Variants in NUPR1 observed in about 807,000 individuals in gnomAD.
NUPR1 encodes nuclear protein 1.
In NUPR1, 8 loss-of-function variants were observed where a neutral mutation model predicts 7.3. The ratio of observed to expected loss-of-function variants is 1.09; its 90% CI spans 0.64 to 1.97. NUPR1 has a LOEUF of 1.97. Ranked by LOEUF, NUPR1 falls within the 30% of genes most tolerant of loss-of-function variation. The pLI, the probability that NUPR1 is intolerant of heterozygous loss-of-function variation, is 0.00. For synonymous variants in NUPR1, 39 were observed against 44.5 expected, an observed-to-expected ratio of 0.88 and a Z score of 0.49; for missense variants, 96 against 111.7, an observed-to-expected ratio of 0.86 and a Z score of 0.63.
At position 28,534,120 on chromosome 16, in the gene NUPR1, G is replaced by C. The variant is rs1487652406; in HGVS notation, c.*3563C>G. 1 of 152,170 alleles carries C rather than the reference G, an allele frequency of 6.6e-6. No homozygotes were observed. The highest frequency in any genetic ancestry group is 2.4e-5 in the African/African-American group (1 of 41,390). 9.4% of individuals were successfully genotyped at this position (152,170 alleles called of 1,614,324 possible). ...TGCACTCCAGCCTGGGCGACAGAGAGAGACTCCATCTCCCAAAACAAAACA... is the reference window on the plus strand; with the variant it reads ...TGCACTCCAGCCTGGGCGACAGAGACAGACTCCATCTCCCAAAACAAAACA... On this transcript the variant is annotated 3_prime_UTR_variant, in exon 3 of 3. Coordinates refer to ENST00000324873, the MANE Select transcript of NUPR1 (RefSeq NM_012385.3).
rs144175749 is a variant in NUPR1 at position 28,538,853 on chromosome 16, C to T, written c.55G>A (p.Asp19Asn). ...SAPQQPPGPE[D>N]EDSSLDESDL... ...GATTCATCCAGGCTGGAGTCCTCGT[C>T]CTCCGGGCCTGGGGGCTGCTGGGGG... Residue 19 changes from aspartate (D) to asparagine (N), a missense_variant, in exon 1 of 3, where the codon GAC becomes AAC. Physicochemically the swap from Asp to Asn is conservative, Grantham distance 23. Transcript: ENST00000324873. 2.2e-3 allele frequency: 3,520 copies of T among 1,613,272 alleles called. 10 individuals are homozygous for T. Among genetic ancestry groups the T allele is most frequent in the Non-Finnish European group, 2.8e-3 (3,259 of 1,179,792 alleles).
In NUPR1 at chr16:28,538,819, T is replaced by C. The variant is rs140337867; in HGVS notation, c.89A>G (p.Tyr30Cys). The C allele has an allele frequency of 9.9e-6, 16 of 1,612,388 alleles. No individual in the cohort carries two copies. In the African/African-American group the frequency reaches 2.1e-4, roughly 22 times the overall value. ...ACCGAGGTAGGAATGGGCCAGGCTA[T>C]AGAGGTCAGATTCATCCAGGCTGGA... is the stretch of plus-strand genomic sequence containing the variant. Reference protein sequence around the residue: ...EDSSLDESDLYSLAHSYLGGG... With the variant: ...EDSSLDESDLCSLAHSYLGGG... The change falls in exon 1 of 3, where the codon TAT becomes TGT. Residue 30 changes from tyrosine to cysteine, a missense_variant. Physicochemically the swap from Tyr to Cys is radical, Grantham distance 194 (BLOSUM62 -2). Coordinates refer to ENST00000324873, the MANE Select transcript of NUPR1 (RefSeq NM_012385.3).
In NUPR1 at chr16:28,535,502, C is replaced by CTTTTCTTTCTTTCT. The variant is rs2046604767; in HGVS notation, c.*2167_*2180dup. 1.7e-5 allele frequency: 2 copies of CTTTTCTTTCTTTCT among 114,792 alleles called. No individual in the cohort carries two copies. Among genetic ancestry groups the CTTTTCTTTCTTTCT allele is most frequent in the Non-Finnish European group, 3.5e-5 (2 of 57,312 alleles). 7.1% of individuals were successfully genotyped at this position (114,792 alleles called of 1,614,324 possible). ...GTGAGCCACTGTGCCGGGGCTCGCT[C>CTTTTCTTTCTTTCT]TTTTCTTTCTTTCTTTCTTTCTTTC... On this transcript the variant is annotated 3_prime_UTR_variant, in exon 3 of 3. Transcript: ENST00000324873.
chr16:28,533,279 T>TTTCAAAATCTTCCA lies in NUPR1; in HGVS notation c.*4403_*4404insTGGAAGATTTTGAA, dbSNP rs1212438145. On this transcript the variant is annotated 3_prime_UTR_variant, in exon 3 of 3. Coordinates refer to ENST00000324873, the MANE Select transcript of NUPR1 (RefSeq NM_012385.3). Reference sequence around the variant, plus strand: ...GGCAAAATCTGAAGGATTTCCAAGGTAGACTGTAAGATTCTGGGCCCAGGC... The same window carrying TTTCAAAATCTTCCA: ...GGCAAAATCTGAAGGATTTCCAAGGTTTCAAAATCTTCCAAGACTGTAAGATTCTGGGCCCAGGC... 7.9e-5 allele frequency: 12 copies of TTTCAAAATCTTCCA among 152,224 alleles called. No individual in the cohort carries two copies. The highest frequency in any genetic ancestry group is 2.7e-4 in the African/African-American group (11 of 41,436). 9.4% of individuals were successfully genotyped at this position (152,224 alleles called of 1,614,324 possible).
At position 28,535,560 on chromosome 16, in the gene NUPR1, T is replaced by TTCCTTCCTTCCTTCCTTCCTTCC. The variant is rs2046608417; in HGVS notation, c.*2122_*2123insGGAAGGAAGGAAGGAAGGAAGGA. On this transcript the variant is annotated 3_prime_UTR_variant, in exon 3 of 3. Transcript: ENST00000324873. ...CTTTCTTTCCTTCTTTCTTTCTTTC[T>TTCCTTCCTTCCTTCCTTCCTTCC]TTCCTTCCTTCCTTTCTTTCTTTCT... 1 of 64,284 alleles carries TTCCTTCCTTCCTTCCTTCCTTCC rather than the reference T, an allele frequency of 1.6e-5. No individual in the cohort carries two copies. Among genetic ancestry groups the TTCCTTCCTTCCTTCCTTCCTTCC allele is most frequent in the East Asian group, 4.6e-4 (1 of 2,182 alleles). The allele number at this position is 64,284 out of a possible 1,614,324, so 4.0% of individuals were successfully genotyped here. A position where few individuals can be genotyped will look rare whatever the true frequency, so the allele number is the denominator to read the frequency against.
chr16:28,535,612 C>CTTTCTT lies in NUPR1; in HGVS notation c.*2065_*2070dup, dbSNP rs1364627794. The CTTTCTT allele has an allele frequency of 9.6e-5, 1 of 10,394 alleles. No individual in the cohort carries two copies. The highest frequency in any genetic ancestry group is 2.0e-3 in the Admixed American group (1 of 504). 0.6% of individuals were successfully genotyped at this position (10,394 alleles called of 1,614,324 possible). On this transcript the variant is annotated 3_prime_UTR_variant, in exon 3 of 3. Coordinates refer to ENST00000324873, the MANE Select transcript of NUPR1 (RefSeq NM_012385.3). ...TCTTTCTTTCTTTCTTTCTTTCTTT[C>CTTTCTT]TTTCTTTCTTCTCTTTCTCTCTCTT...
chr16:28,538,335 ACTCCT>A (rs2046639997), intron 1 of NUPR1, 180 bp from the exon 2 acceptor site: 1 of 810,668 alleles, frequency 1.2e-6, no homozygotes, highest in Non-Finnish European at 1.9e-6. Context: ...GTAACATAGC[ACTCCT>A]GGGATAAGGG....
rs1468546028 is a variant in NUPR1, at chr16:28,535,435, G to A, written c.*2248C>T. 1 of 152,244 alleles carries A rather than the reference G, an allele frequency of 6.6e-6. No individual in the cohort carries two copies. Among genetic ancestry groups the A allele is most frequent in the East Asian group, 1.9e-4 (1 of 5,190 alleles). The allele number at this position is 152,244 out of a possible 1,614,324, so 9.4% of individuals were successfully genotyped here. On this transcript the variant is annotated 3_prime_UTR_variant, in exon 3 of 3. Transcript: ENST00000324873. ...CGAACTCGAACTACTGACCTCAGGT[G>A]ATCCGCCTGCCTTGGCCTCCCAAAG...
chr16:28,538,832 C>G lies in NUPR1; in HGVS notation c.76G>C (p.Glu26Gln), dbSNP rs1435043566. The G allele has an allele frequency of 6.2e-7, 1 of 1,612,914 alleles. No homozygotes were observed. The highest frequency in any genetic ancestry group is 1.3e-5 in the African/African-American group (1 of 74,822). Residue 26 changes from glutamate (E) to glutamine (Q), a missense_variant, in exon 1 of 3, where the codon GAA becomes CAA. Physicochemically the swap from Glu to Gln is conservative, Grantham distance 29 (BLOSUM62 2). Coordinates refer to ENST00000324873, the MANE Select transcript of NUPR1 (RefSeq NM_012385.3). ...GPEDEDSSLD[E>Q]SDLYSLAHSY... is the part of the protein sequence containing the mutation. Reference sequence around the variant, plus strand: ...TGGGCCAGGCTATAGAGGTCAGATTCATCCAGGCTGGAGTCCTCGTCCTCC... The same window carrying G: ...TGGGCCAGGCTATAGAGGTCAGATTGATCCAGGCTGGAGTCCTCGTCCTCC...
Position 28,535,883 on chromosome 16 carries a change from T to A in NUPR1, c.*1800A>T, listed in dbSNP as rs2046618836. The A allele has an allele frequency of 6.6e-6, 1 of 151,956 alleles. No individual in the cohort carries two copies. The highest frequency in any genetic ancestry group is 1.5e-5 in the Non-Finnish European group (1 of 68,032). 9.4% of individuals were successfully genotyped at this position (151,956 alleles called of 1,614,324 possible). On this transcript the variant is annotated 3_prime_UTR_variant, in exon 3 of 3. Coordinates refer to ENST00000324873, the MANE Select transcript of NUPR1 (RefSeq NM_012385.3). The stretch of plus-strand genomic sequence containing the variant: ...TGAGCCACCATGCTTTGCTAATTTT[T>A]AAATTTTTGTAGAGACAGGGCCTTG...
rs2046601977 is a variant in NUPR1, at chr16:28,535,130, C to T, written c.*2553G>A. 6.6e-6 allele frequency: 1 copy of T among 152,206 alleles called. No individual in the cohort carries two copies. Among genetic ancestry groups the T allele is most frequent in the Admixed American group, 6.6e-5 (1 of 15,266 alleles). The allele number at this position is 152,206 out of a possible 1,614,324, so 9.4% of individuals were successfully genotyped here. On this transcript the variant is annotated 3_prime_UTR_variant, in exon 3 of 3. Transcript: ENST00000324873. ...GAATCTCCCTCCCCCATCTCACTTC[C>T]CAGAACCCTGTCCCACAGCCCCCTT...
rs1232630441 is a variant in NUPR1, at chr16:28,533,087, C to T, written c.*4596G>A. ...CTGGTGTTGCTCCTGCCATTTGCTC[C>T]CTGGGTTCTAGAGCTGATGGTGGCC... On this transcript the variant is annotated 3_prime_UTR_variant, in exon 3 of 3. Coordinates refer to ENST00000324873, the MANE Select transcript of NUPR1 (RefSeq NM_012385.3). 1.3e-5 allele frequency: 2 copies of T among 152,228 alleles called. No homozygotes were observed. The highest frequency in any genetic ancestry group is 2.4e-5 in the African/African-American group (1 of 41,432). The allele number at this position is 152,228 out of a possible 1,614,324, so 9.4% of individuals were successfully genotyped here.
At position 28,536,421 on chromosome 16, in the gene NUPR1, G is replaced by A. The variant is rs1248603394; in HGVS notation, c.*1262C>T. The A allele has an allele frequency of 1.3e-5, 2 of 152,290 alleles. No individual in the cohort carries two copies. Among genetic ancestry groups the A allele is most frequent in the South Asian group, 2.1e-4 (1 of 4,832 alleles). 9.4% of individuals were successfully genotyped at this position (152,290 alleles called of 1,614,324 possible). A position where few individuals can be genotyped will look rare whatever the true frequency, so the allele number is the denominator to read the frequency against. On this transcript the variant is annotated 3_prime_UTR_variant, in exon 3 of 3. Coordinates refer to ENST00000324873, the MANE Select transcript of NUPR1 (RefSeq NM_012385.3). ...ACCTGTAATCCCAGCTACTCAGGGG[G>A]CGTAGGCACGAGAATTGCTTGAACC...
At position 28,534,780 on chromosome 16, in the gene NUPR1, TC is replaced by T. The variant is rs1406930286; in HGVS notation, c.*2902del. ...AAGAGGTGTGGCCTCCTCTGTCTCT[TC>T]CACACTCTTTCCACAGGCTGAGATG... On this transcript the variant is annotated 3_prime_UTR_variant, in exon 3 of 3. Coordinates refer to ENST00000324873, the MANE Select transcript of NUPR1 (RefSeq NM_012385.3). 6.6e-6 allele frequency: 1 copy of T among 151,914 alleles called. No homozygotes were observed. Among genetic ancestry groups the T allele is most frequent in the East Asian group, 1.9e-4 (1 of 5,176 alleles). The allele number at this position is 151,914 out of a possible 1,614,324, so 9.4% of individuals were successfully genotyped here.
intron 1 of NUPR1, 31 bp downstream of exon 1, chr16:28,538,765 A>C: frequency 6.6e-7 from 1 of 1,525,902 alleles, no homozygotes; most frequent in Non-Finnish European, 9.1e-7. Flanking sequence ...GAGAGGAGGA[A>C]GGACCGTGGA....
rs1175173857 is a variant in NUPR1 at position 28,532,894 on chromosome 16, A to G, written c.*4789T>C. On this transcript the variant is annotated 3_prime_UTR_variant, in exon 3 of 3. Coordinates refer to ENST00000324873, the MANE Select transcript of NUPR1 (RefSeq NM_012385.3). ...CCGAACCTCAGTTTTCCGGTCTGAA[A>G]AAAAGGGGATCATTAATAGTATGTC... The G allele has an allele frequency of 6.6e-6, 1 of 152,208 alleles. No homozygotes were observed. The highest frequency in any genetic ancestry group is 2.4e-5 in the African/African-American group (1 of 41,452). The allele number at this position is 152,208 out of a possible 1,614,324, so 9.4% of individuals were successfully genotyped here.
chr16:28,535,787 C>A lies in NUPR1; in HGVS notation c.*1896G>T, dbSNP rs1426812508. On this transcript the variant is annotated 3_prime_UTR_variant, in exon 3 of 3. Transcript: ENST00000324873. ...CTGCAGTGCAGTGGCACCATCATGGCTTACTGTAGCCTCCAACTGGGTTCA... is the reference window on the plus strand; with the variant it reads ...CTGCAGTGCAGTGGCACCATCATGGATTACTGTAGCCTCCAACTGGGTTCA... 1.3e-5 allele frequency: 2 copies of A among 151,472 alleles called. No individual in the cohort carries two copies. Among genetic ancestry groups the A allele is most frequent in the East Asian group, 3.9e-4 (2 of 5,124 alleles). The allele number at this position is 151,472 out of a possible 1,614,324, so 9.4% of individuals were successfully genotyped here.
chr16:28,535,504 T>TTTCC lies in NUPR1; in HGVS notation c.*2178_*2179insGGAA. On this transcript the variant is annotated 3_prime_UTR_variant, in exon 3 of 3. Transcript: ENST00000324873. Reference sequence around the variant, plus strand: ...GAGCCACTGTGCCGGGGCTCGCTCTTTTCTTTCTTTCTTTCTTTCTTTCTT... The same window carrying TTTCC: ...GAGCCACTGTGCCGGGGCTCGCTCTTTTCCTTCTTTCTTTCTTTCTTTCTTTCTT... 1.0e-4 allele frequency: 3 copies of TTTCC among 29,342 alleles called. No individual in the cohort carries two copies. Among genetic ancestry groups the TTTCC allele is most frequent in the Non-Finnish European group, 2.1e-4 (3 of 14,584 alleles). The allele number at this position is 29,342 out of a possible 1,614,324, so 1.8% of individuals were successfully genotyped here.
In NUPR1 at chr16:28,535,257, C is replaced by G. The variant is rs936503497; in HGVS notation, c.*2426G>C. 6.6e-6 allele frequency: 1 copy of G among 152,160 alleles called. No homozygotes were observed. Among genetic ancestry groups the G allele is most frequent in the Non-Finnish European group, 1.5e-5 (1 of 68,042 alleles). 9.4% of individuals were successfully genotyped at this position (152,160 alleles called of 1,614,324 possible). A position where few individuals can be genotyped will look rare whatever the true frequency, so the allele number is the denominator to read the frequency against. ...TTAATATTTCCTTCCCTCCTTTCCT[C>G]CTTCCCTCCTTCCCTCCCTCCTTTC... On this transcript the variant is annotated 3_prime_UTR_variant, in exon 3 of 3. Coordinates refer to ENST00000324873, the MANE Select transcript of NUPR1 (RefSeq NM_012385.3).
Sources: allele counts gnomAD v4.1 joint callset, GRCh38; gene constraint gnomAD v4.1.1; transcripts MANE v1.5; gene names NCBI Gene and HGNC (gene_info 2026-07-23, HGNC 2026-07-21).